CTNNA3: variants seen among roughly 807,000 people sequenced by gnomAD.
CTNNA3 encodes the protein catenin alpha-3.
A neutral mutation model predicts 95.7 loss-of-function variants in CTNNA3; 76 were observed. That is an observed-to-expected ratio of 0.79 (90% CI 0.66 to 0.96). CTNNA3 has a LOEUF of 0.96. CTNNA3 is among the 40% of genes least tolerant of loss of function. The probability of loss-of-function intolerance (pLI) is 0.00; values close to 1 mark genes in which losing one functional copy is unlikely to be tolerated. For synonymous variants in CTNNA3, 431 were observed against 374.4 expected, an observed-to-expected ratio of 1.15 and a Z score of -1.74; for missense variants, 1,191 against 1,089.8, an observed-to-expected ratio of 1.09 and a Z score of -1.31.
chr10:66,869,768 G>A (rs975924546), intron 7 of CTNNA3, among the ~76,000 whole-genome samples: 8 of 152,032 alleles, frequency 5.3e-5, no homozygotes, highest in Non-Finnish European at 7.4e-5. Context: ...GTATCATCTT[G>A]AATAAAGTCA....
intron 7 of CTNNA3, among the ~76,000 whole-genome samples, chr10:67,071,330 G>GTTTT (rs10688142): frequency 7.1e-6 from 1 of 140,402 alleles, no homozygotes; most frequent in Non-Finnish European, 1.5e-5. Context: ...TGTATTTTGG[G>GTTTT]TTTTTTTTTT....
intron 5 of CTNNA3, among the ~76,000 whole-genome samples, chr10:67,228,769 T>C (rs978455255): frequency 6.6e-6 from 1 of 152,066 alleles, no homozygotes; most frequent in Non-Finnish European, 1.5e-5. Context: ...CTAGCTTAAA[T>C]CGGTAAGAAT....
At chr10:66,342,944 T>C (rs2092468441) in intron 12 of CTNNA3, among the ~76,000 whole-genome samples, 1 of 152,142 alleles carries the variant, frequency 6.6e-6, no homozygotes, top group Non-Finnish European at 1.5e-5. Flanking sequence ...TTTTCATTGT[T>C]TTATTTAATT....
At chr10:66,930,232 C>T (rs1349792510) in intron 7 of CTNNA3, among the ~76,000 whole-genome samples, 2 of 152,110 alleles carry the variant, frequency 1.3e-5, no homozygotes, top group African/African-American at 4.8e-5. Context: ...TTAAATCTTA[C>T]AATAGATGCC....
At chr10:66,441,604 A>G (rs2093375957) in intron 11 of CTNNA3, among the ~76,000 whole-genome samples, 1 of 152,224 alleles carries the variant, frequency 6.6e-6, no homozygotes, top group Admixed American at 6.5e-5. Flanking sequence ...AAACATTTGT[A>G]AAGAACAGAT....
intron 1 of CTNNA3, among the ~76,000 whole-genome samples, chr10:67,714,309 G>T (rs909324045): frequency 6.6e-6 from 1 of 152,240 alleles, no homozygotes; most frequent in African/African-American, 2.4e-5. Context: ...GGGCAGAGCT[G>T]CCCAAGACTA....
intron 6 of CTNNA3, among the ~76,000 whole-genome samples, chr10:67,190,017 T>C (rs536246211): frequency 6.6e-5 from 10 of 152,316 alleles, no homozygotes; most frequent in Admixed American, 3.9e-4. Context: ...TAATGGAGAA[T>C]ATGTAGTTTA....
intron 15 of CTNNA3, among the ~76,000 whole-genome samples, chr10:65,989,516 T>C (rs2078495495): frequency 1.3e-5 from 2 of 152,186 alleles, no homozygotes; most frequent in African/African-American, 2.4e-5. Flanking sequence ...TTATTTTTTA[T>C]CAGCAGGCCT....
chr10:66,123,923 G>A (rs1217051744), intron 13 of CTNNA3, among the ~76,000 whole-genome samples: 2 of 152,136 alleles, frequency 1.3e-5, no homozygotes, highest in Non-Finnish European at 2.9e-5. Flanking sequence ...TGTCCTCCTA[G>A]GCCTCCAGGC....
At chr10:66,414,653 G>A (rs2093132548) in intron 11 of CTNNA3, among the ~76,000 whole-genome samples, 1 of 152,092 alleles carries the variant, frequency 6.6e-6, no homozygotes, top group Admixed American at 6.5e-5. Context: ...TTAGAACTTT[G>A]CCTGCAACAG....
chr10:67,134,591 C>T (rs1037508085), intron 7 of CTNNA3, among the ~76,000 whole-genome samples: 1 of 152,044 alleles, frequency 6.6e-6, no homozygotes, highest in African/African-American at 2.4e-5. Flanking sequence ...GAGCACCCAT[C>T]AAGAGAGCAA....
At chr10:67,564,688 TATA>T (rs1841688850) in intron 3 of CTNNA3, among the ~76,000 whole-genome samples, 1 of 69,802 alleles carries the variant, frequency 1.4e-5, no homozygotes, top group Non-Finnish European at 2.6e-5. Flanking sequence ...TATATATATA[TATA>T]TATATATATA....
intron 9 of CTNNA3, among the ~76,000 whole-genome samples, chr10:66,654,958 G>A (rs1846026612): frequency 6.6e-6 from 1 of 151,972 alleles, no homozygotes; most frequent in Non-Finnish European, 1.5e-5. Flanking sequence ...TGGAGTTGGG[G>A]AAATAATGGT....
At chr10:66,616,741 C>A (rs2132301501) in intron 10 of CTNNA3, among the ~76,000 whole-genome samples, 2 of 152,124 alleles carry the variant, frequency 1.3e-5, no homozygotes, top group Admixed American at 1.3e-4. Context: ...ATTAGCTCCT[C>A]CTGACCCAGG....
chr10:67,575,736 C>T (rs1412363027), intron 3 of CTNNA3, among the ~76,000 whole-genome samples: 1 of 152,190 alleles, frequency 6.6e-6, no homozygotes, highest in Non-Finnish European at 1.5e-5. Context: ...CTGTAGCTTT[C>T]TCTTCTTGTT....
intron 12 of CTNNA3, among the ~76,000 whole-genome samples, chr10:66,283,973 C>A (rs537860317): frequency 1.3e-5 from 2 of 151,938 alleles, no homozygotes; most frequent in South Asian, 2.1e-4. Context: ...CATTAATATA[C>A]AATCATGCTA....
At position 66,544,627 on chromosome 10, in the gene CTNNA3, C is replaced by T. The variant is rs12254713; in HGVS notation, c.1375-23854G>A. ...CCTTAAACTTGTATGACCATCTAGT[C>T]GTACCATTTGAGCAAATAAGTTACC... On this transcript the variant is annotated intron_variant, in intron 10 of 17. Coordinates refer to ENST00000433211, the MANE Select transcript of CTNNA3 (RefSeq NM_013266.4). Among the ~76,000 whole-genome samples the T allele has an allele frequency of 3.0e-3, 463 of 152,120 alleles. 2 individuals carry two copies. The highest frequency in any genetic ancestry group is 0.011 in the African/African-American group (450 of 41,532).
At chr10:67,114,890 G>C (rs1859092284) in intron 7 of CTNNA3, among the ~76,000 whole-genome samples, 1 of 152,064 alleles carries the variant, frequency 6.6e-6, no homozygotes, top group South Asian at 2.1e-4. Context: ...TGAATCATGT[G>C]GAGTTTAATG....
At chr10:67,536,041 A>T (rs965842235) in intron 4 of CTNNA3, among the ~76,000 whole-genome samples, 12 of 152,288 alleles carry the variant, frequency 7.9e-5, no homozygotes, top group African/African-American at 2.6e-4. Context: ...TGAGGATCAG[A>T]CAGTTCTGCT....
Sources: allele counts gnomAD v4.1 joint callset (sites outside exome capture counted in the v4.1 genomes callset), GRCh38; gene constraint gnomAD v4.1.1; transcripts MANE v1.5; gene names NCBI Gene and HGNC (gene_info 2026-07-23, HGNC 2026-07-21).